SOX5: variants seen among roughly 807,000 people sequenced by gnomAD.
The protein encoded by SOX5 is SRY-box transcription factor 5.
Under a neutral mutation model 92.0 loss-of-function variants are expected in SOX5, and 9 were observed. The ratio of observed to expected loss-of-function variants is 0.10; its 90% CI spans 0.06 to 0.17. The LOEUF is 0.17. Ranked by LOEUF, SOX5 falls within the 10% of genes least tolerant of loss-of-function variation. The pLI, the probability that SOX5 is intolerant of heterozygous loss-of-function variation, is 1.00. For missense variants in SOX5, 642 were observed against 944.5 expected, an observed-to-expected ratio of 0.68 and a Z score of 4.20; for synonymous variants, 344 against 336.3, an observed-to-expected ratio of 1.02 and a Z score of -0.25.
intron 13 of SOX5, among the ~76,000 whole-genome samples, chr12:23,539,146 C>CTAAG (rs1171617362): frequency 6.6e-6 from 1 of 151,992 alleles, no homozygotes; most frequent in Non-Finnish European, 1.5e-5. Flanking sequence ...AGATTCTTCC[C>CTAAG]TAAGTTTAAA....
chr12:23,585,530 A>C lies in SOX5; in HGVS notation c.1165-9692T>G, dbSNP rs572995972. Among the ~76,000 whole-genome samples the C allele has an allele frequency of 8.5e-5, 13 of 152,310 alleles. No individual in the cohort carries two copies. In the East Asian group the frequency reaches 2.1e-3, roughly 25 times the overall value. On this transcript the variant is annotated intron_variant, in intron 9 of 14. Transcript: ENST00000451604. ...GTAAAAAGTCCAAAAATAAGTAAAA[A>C]TAAAATTTAAATGCAAAACTCACTT...
intron 3 of SOX5, among the ~76,000 whole-genome samples, chr12:24,261,560 G>A (rs1942090942): frequency 6.6e-6 from 1 of 152,100 alleles, no homozygotes; most frequent in Non-Finnish European, 1.5e-5. Flanking sequence ...AGCATATGCT[G>A]AATATTGACA....
chr12:24,346,178 T>G (rs1038873882), intron 2 of SOX5, among the ~76,000 whole-genome samples: 3 of 152,210 alleles, frequency 2.0e-5, no homozygotes, highest in Non-Finnish European at 4.4e-5. Context: ...ATCCATGCAT[T>G]TAGGGAAATT....
intron 2 of SOX5, among the ~76,000 whole-genome samples, chr12:23,872,099 G>A (rs954476544): frequency 5.5e-5 from 8 of 145,604 alleles, no homozygotes; most frequent in Non-Finnish European, 7.4e-5. Flanking sequence ...CCGGGTTCAC[G>A]CCATTCTCCT....
chr12:23,577,357 G>A (rs1049343184), intron 9 of SOX5, among the ~76,000 whole-genome samples: 12 of 151,026 alleles, frequency 7.9e-5, no homozygotes, highest in Middle Eastern at 3.4e-3. Context: ...ACACCACCAC[G>A]TCCGGCTAAT....
At chr12:24,054,884 T>C (rs1305572300) in intron 4 of SOX5, among the ~76,000 whole-genome samples, 1 of 152,114 alleles carries the variant, frequency 6.6e-6, no homozygotes, top group East Asian at 1.9e-4. Context: ...AAATCTAGAA[T>C]AAAACAGAAG....
At chr12:24,295,741 G>T (rs1947139632) in intron 2 of SOX5, among the ~76,000 whole-genome samples, 2 of 151,866 alleles carry the variant, frequency 1.3e-5, no homozygotes, top group South Asian at 4.1e-4. Context: ...AATTTTTGTA[G>T]TTTTTTTGTA....
At chr12:23,546,596 C>T (rs547581821) in intron 11 of SOX5, among the ~76,000 whole-genome samples, 172 bp from the exon 12 acceptor site, 11 of 152,188 alleles carry the variant, frequency 7.2e-5, no homozygotes, top group South Asian at 2.1e-4. Context: ...ATGATCAGCA[C>T]GATTTTTGAA....
chr12:24,296,731 G>A (rs962142705), intron 2 of SOX5, among the ~76,000 whole-genome samples: 5 of 149,150 alleles, frequency 3.4e-5, no homozygotes, highest in Non-Finnish European at 5.9e-5. Flanking sequence ...CAGCCAATAT[G>A]TTCTGTAGAT....
chr12:24,375,463 G>A (rs11047404), intron 1 of SOX5, among the ~76,000 whole-genome samples: 4,065 of 151,910 alleles, frequency 0.027, 75 homozygotes, highest in East Asian at 0.049. Flanking sequence ...GGCCGGGTGC[G>A]GTGGCTCACG....
At chr12:24,105,543 T>A (rs1946576613) in intron 4 of SOX5, among the ~76,000 whole-genome samples, 1 of 151,828 alleles carries the variant, frequency 6.6e-6, no homozygotes, top group South Asian at 2.1e-4. Context: ...TCTGTCTTAA[T>A]CAATCAATCA....
chr12:24,308,253 G>A (rs559442852), intron 2 of SOX5, among the ~76,000 whole-genome samples: 2 of 152,204 alleles, frequency 1.3e-5, no homozygotes, highest in Non-Finnish European at 2.9e-5. Context: ...CTGTGCATGC[G>A]GACAGTCCAC....
intron 4 of SOX5, among the ~76,000 whole-genome samples, chr12:23,976,543 A>C (rs1353433048): frequency 3.3e-5 from 5 of 152,282 alleles, no homozygotes; most frequent in Non-Finnish European, 5.9e-5. Flanking sequence ...AACTAAATGA[A>C]TATAACATTT....
At chr12:23,954,518 A>G (rs1946050825), upstream of SOX5, among the ~76,000 whole-genome samples, 1 of 152,036 alleles carries the variant, frequency 6.6e-6, no homozygotes, top group Admixed American at 6.5e-5. Flanking sequence ...TGAGTCATTC[A>G]CCAGATGCCT....
intron 1 of SOX5, among the ~76,000 whole-genome samples, chr12:24,453,649 G>A (rs1304429181): frequency 6.6e-6 from 1 of 152,174 alleles, no homozygotes; most frequent in African/African-American, 2.4e-5. Flanking sequence ...TCTTGCAGGT[G>A]TGATCCTGAG....
chr12:24,041,784 T>C (rs1180794034), intron 4 of SOX5, among the ~76,000 whole-genome samples: 1 of 152,110 alleles, frequency 6.6e-6, no homozygotes, highest in East Asian at 1.9e-4. Context: ...TTAGATAACA[T>C]TTTTTGTCCC....
intron 1 of SOX5, among the ~76,000 whole-genome samples, chr12:23,943,131 C>A (rs558552317): frequency 6.6e-6 from 1 of 151,962 alleles, no homozygotes; most frequent in Non-Finnish European, 1.5e-5. Flanking sequence ...AGTTTACACA[C>A]ATTTTATAAC....
intron 4 of SOX5, among the ~76,000 whole-genome samples, chr12:24,201,361 G>T (rs867310537): frequency 1.3e-5 from 2 of 151,240 alleles, no homozygotes; most frequent in Non-Finnish European, 2.9e-5. Context: ...AAAAAAAAAT[G>T]CACCTGCATA....
At chr12:24,337,560 G>A (rs1418872183) in intron 2 of SOX5, among the ~76,000 whole-genome samples, 1 of 151,990 alleles carries the variant, frequency 6.6e-6, no homozygotes, top group Non-Finnish European at 1.5e-5. Flanking sequence ...GGCTGGTCTT[G>A]AACTCCTGAC....
Sources: allele counts gnomAD v4.1 joint callset (sites outside exome capture counted in the v4.1 genomes callset), GRCh38; gene constraint gnomAD v4.1.1; transcripts MANE v1.5; gene names NCBI Gene and HGNC (gene_info 2026-07-23, HGNC 2026-07-21).